The following SLC9A2 variants were observed in gnomAD, a reference collection of about 807,000 sequenced individuals.
The protein encoded by SLC9A2 is solute carrier family 9 member A2, also known as sodium/hydrogen exchanger 2.
SLC9A2 carries 42 observed loss-of-function variants against 71.7 expected under a neutral mutation model. The ratio of observed to expected loss-of-function variants is 0.59; its 90% CI spans 0.46 to 0.76. SLC9A2 has a LOEUF of 0.76. SLC9A2 is among the 30% of genes least tolerant of loss of function. The pLI, the probability that SLC9A2 is intolerant of heterozygous loss-of-function variation, is 0.00. For missense variants in SLC9A2, 829 were observed against 1,017.4 expected (o/e 0.81, Z 2.52); for synonymous variants, 396 against 392.5 (o/e 1.01, Z -0.10).
chr2:102,648,951 A>G (rs1054783368), intron 1 of SLC9A2, among the ~76,000 whole-genome samples: 2 of 152,172 alleles, frequency 1.3e-5, no homozygotes, highest in Non-Finnish European at 2.9e-5. Flanking sequence ...TCAAGCTACC[A>G]TTGACTTTCT....
At chr2:102,676,403 G>A (rs550883902) in intron 3 of SLC9A2, among the ~76,000 whole-genome samples, 2 of 152,336 alleles carry the variant, frequency 1.3e-5, no homozygotes, top group South Asian at 2.1e-4. Context: ...AACCAGAGTT[G>A]CTTTAGGTGC....
At chr2:102,637,484 G>T (rs17775237) in intron 1 of SLC9A2, among the ~76,000 whole-genome samples, 6,419 of 152,278 alleles carry the variant, frequency 0.042, 211 homozygotes, top group Middle Eastern at 0.11. Flanking sequence ...TGTGGTGTGG[G>T]TTACAGAAAG....
At chr2:102,672,415 G>A (rs1215630011) in intron 3 of SLC9A2, among the ~76,000 whole-genome samples, 1 of 152,016 alleles carries the variant, frequency 6.6e-6, no homozygotes, top group African/African-American at 2.4e-5. Flanking sequence ...TGAAGACTTG[G>A]TGACATATGT....
chr2:102,703,563 C>A (rs1320172712), intron 9 of SLC9A2, among the ~76,000 whole-genome samples: 2 of 152,158 alleles, frequency 1.3e-5, no homozygotes, highest in Non-Finnish European at 2.9e-5. Context: ...AGATACAGCA[C>A]TTATTTCCAT....
intron 1 of SLC9A2, among the ~76,000 whole-genome samples, chr2:102,627,167 A>C (rs1181439411): frequency 6.6e-6 from 1 of 151,840 alleles, no homozygotes; most frequent in Non-Finnish European, 1.5e-5. Flanking sequence ...CAACAACAAA[A>C]AGCCAGGTTT....
At chr2:102,706,001 A>AT (rs1677968271) in intron 11 of SLC9A2, 65 bp downstream of exon 11, 1 of 949,602 alleles carries the variant, frequency 1.1e-6, no homozygotes, top group Non-Finnish European at 1.6e-6. Context: ...AACTAGACAA[A>AT]TTTTCCTATT....
In SLC9A2 at chr2:102,695,028, C is replaced by A. The variant is rs751608295; in HGVS notation, c.1516-15C>A. 2 of 1,611,686 alleles carry A rather than the reference C, an allele frequency of 1.2e-6. No individual in the cohort carries two copies. The highest frequency in any genetic ancestry group is 1.7e-6 in the Non-Finnish European group (2 of 1,178,314). On this transcript the variant is annotated splice_polypyrimidine_tract_variant and intron_variant, in intron 6 of 11. Coordinates refer to ENST00000233969, the MANE Select transcript of SLC9A2 (RefSeq NM_003048.6). ...AGGTAAAGACTAATCAATTTGCCTGCTTTTTCTGTTTTAGTTGTTTGATCA... is the reference window on the plus strand; with the variant it reads ...AGGTAAAGACTAATCAATTTGCCTGATTTTTCTGTTTTAGTTGTTTGATCA...
intron 1 of SLC9A2, among the ~76,000 whole-genome samples, chr2:102,633,857 A>G (rs1251655323): frequency 3.3e-5 from 5 of 152,232 alleles, no homozygotes; most frequent in African/African-American, 1.2e-4. Context: ...AATAAGTTCA[A>G]CTACAACAGA....
intron 1 of SLC9A2, 23 bp downstream of exon 1, chr2:102,620,160 G>A (rs1363604457): frequency 3.8e-6 from 6 of 1,580,584 alleles, no homozygotes; most frequent in African/African-American, 2.7e-5. Context: ...GACTTGTGGG[G>A]AATGGGAGGG....
chr2:102,669,030 G>A (rs1237151177), intron 3 of SLC9A2, among the ~76,000 whole-genome samples: 1 of 152,222 alleles, frequency 6.6e-6, no homozygotes, highest in Non-Finnish European at 1.5e-5. Flanking sequence ...TTAGAGGAAA[G>A]TGCTGGACAG....
intron 5 of SLC9A2, among the ~76,000 whole-genome samples, chr2:102,692,778 C>A (rs1029083383): frequency 6.6e-6 from 1 of 152,122 alleles, no homozygotes; most frequent in African/African-American, 2.4e-5. Flanking sequence ...GTTGTCGATA[C>A]ATGTTAGTTG....
intron 2 of SLC9A2, among the ~76,000 whole-genome samples, chr2:102,662,180 C>T (rs899631508): frequency 6.6e-6 from 1 of 152,168 alleles, no homozygotes; most frequent in African/African-American, 2.4e-5. Context: ...GTGCCTGTGA[C>T]CCATCTTAAC....
chr2:102,625,551 A>G (rs1400703348), intron 1 of SLC9A2, among the ~76,000 whole-genome samples: 1 of 145,332 alleles, frequency 6.9e-6, no homozygotes, highest in South Asian at 2.2e-4. Context: ...ATTCCCACCT[A>G]TGAGTGAGAA....
At chr2:102,660,969 T>C (rs1299254952) in intron 2 of SLC9A2, among the ~76,000 whole-genome samples, 1 of 152,190 alleles carries the variant, frequency 6.6e-6, no homozygotes, top group African/African-American at 2.4e-5. Context: ...AAATTCAACA[T>C]TGAGCTAGAA....
Position 102,620,032 on chromosome 2 carries a change from C to T in SLC9A2, c.184C>T (p.Leu62=), listed in dbSNP as rs767186977. The change falls in exon 1 of 12, where the codon CTG becomes TTG. Residue 62 remains leucine (L), a synonymous_variant. Transcript: ENST00000233969. ...GAGCGTGGTGGCTCCCGGAACGACG[C>T]TGTTCGAGGAGAGCCGGCTGCCTGT... ...PASVVAPGTT[L]FEESRLPVFT... 6.2e-7 allele frequency: 1 copy of T among 1,614,142 alleles called. No individual in the cohort carries two copies. The highest frequency in any genetic ancestry group is 8.5e-7 in the Non-Finnish European group (1 of 1,180,022).
chr2:102,691,705 A>C (rs1278283788), intron 5 of SLC9A2, among the ~76,000 whole-genome samples: 2 of 152,226 alleles, frequency 1.3e-5, no homozygotes, highest in African/African-American at 2.4e-5. Flanking sequence ...ATGATTATAA[A>C]CATAAATATA....
intron 1 of SLC9A2, among the ~76,000 whole-genome samples, chr2:102,630,228 TTTTG>T (rs1202132235): frequency 1.3e-5 from 2 of 152,038 alleles, no homozygotes; most frequent in Non-Finnish European, 2.9e-5. Flanking sequence ...CCGGATTCTT[TTTTG>T]TTTGTTTTTG....
chr2:102,702,003 G>A (rs1677882162), intron 8 of SLC9A2, among the ~76,000 whole-genome samples: 1 of 152,154 alleles, frequency 6.6e-6, no homozygotes, highest in Non-Finnish European at 1.5e-5. Flanking sequence ...TAAATGGTGT[G>A]TTTGCAAATA....
chr2:102,641,296 G>A (rs1026930772), intron 1 of SLC9A2, among the ~76,000 whole-genome samples: 14 of 152,102 alleles, frequency 9.2e-5, no homozygotes, highest in African/African-American at 3.1e-4. Flanking sequence ...CAAATGAAAA[G>A]CATAGCTCTT....
Sources: allele counts gnomAD v4.1 joint callset (sites outside exome capture counted in the v4.1 genomes callset), GRCh38; gene constraint gnomAD v4.1.1; transcripts MANE v1.5; gene names NCBI Gene and HGNC (gene_info 2026-07-23, HGNC 2026-07-21).